The following FAM227B variants were observed in gnomAD, a reference collection of about 807,000 sequenced individuals.
FAM227B encodes protein FAM227B.
A neutral mutation model predicts 73.8 loss-of-function variants in FAM227B; 88 were observed. That is an observed-to-expected ratio of 1.19 (90% CI 1.00 to 1.42). The LOEUF (loss-of-function observed/expected upper bound fraction) is 1.42, where lower values mean the gene tolerates loss of function less well. Among genes scored for constraint, FAM227B ranks in the 40% most tolerant of loss-of-function variants. The pLI, the probability that FAM227B is intolerant of heterozygous loss-of-function variation, is 0.00. For missense variants in FAM227B, 632 were observed against 590.9 expected, an observed-to-expected ratio of 1.07 and a Z score of -0.72; for synonymous variants, 210 against 190.5, an observed-to-expected ratio of 1.10 and a Z score of -0.84.
At chr15:49,380,782 G>A (rs1017536237) in intron 11 of FAM227B, among the ~76,000 whole-genome samples, 2 of 151,552 alleles carry the variant, frequency 1.3e-5, no homozygotes, top group Non-Finnish European at 2.9e-5. Flanking sequence ...CCTCTGAATT[G>A]GATTTGATTT....
At chr15:49,377,713 C>A (rs187925000) in intron 11 of FAM227B, among the ~76,000 whole-genome samples, 2 of 152,090 alleles carry the variant, frequency 1.3e-5, no homozygotes, top group Admixed American at 1.3e-4. Flanking sequence ...TTATTCAATT[C>A]TTTTCCCATA....
At chr15:49,464,883 A>C (rs1185336679) in intron 11 of FAM227B, among the ~76,000 whole-genome samples, 1 of 152,202 alleles carries the variant, frequency 6.6e-6, no homozygotes, top group Non-Finnish European at 1.5e-5. Context: ...GAATGAATAA[A>C]TGAATAACGT....
Position 49,537,087 on chromosome 15 carries a change from G to A in FAM227B, c.874+4593C>T, listed in dbSNP as rs1372385229. 5.3e-5 allele frequency among the ~76,000 whole-genome samples: 8 copies of A among 152,012 alleles called. 1 individual carries two copies. Among genetic ancestry groups the A allele is most frequent in the Non-Finnish European group, 7.4e-5 (5 of 67,946 alleles). ...CAAATGGGATGACATCAAACTAAACGTCTTCTGCACGTCAAAGAAAATAAT... is the reference window on the plus strand; with the variant it reads ...CAAATGGGATGACATCAAACTAAACATCTTCTGCACGTCAAAGAAAATAAT... On this transcript the variant is annotated intron_variant, in intron 10 of 15. Coordinates refer to ENST00000299338, the MANE Select transcript of FAM227B (RefSeq NM_152647.3).
At chr15:49,480,326 T>G (rs2055816993) in intron 11 of FAM227B, among the ~76,000 whole-genome samples, 2 of 152,056 alleles carry the variant, frequency 1.3e-5, no homozygotes, top group South Asian at 4.1e-4. Flanking sequence ...TATCTATTAT[T>G]TTGAGACAGA....
rs536951557 is a variant in FAM227B at position 49,612,560 on chromosome 15, G to A, written c.52-1292C>T. On this transcript the variant is annotated intron_variant, in intron 2 of 15. Transcript: ENST00000299338. ...TGTGCATAAATTAAAGCATAAATGA[G>A]TAGATGAATGTCAGAAATATATAGG... Among the ~76,000 whole-genome samples the A allele has an allele frequency of 2.8e-4, 43 of 152,192 alleles. No homozygotes were observed. The South Asian group carries it at 8.9e-3, about 32-fold the overall frequency.
At chr15:49,386,589 AG>A in intron 11 of FAM227B, among the ~76,000 whole-genome samples, 1 of 152,080 alleles carries the variant, frequency 6.6e-6, no homozygotes, top group Non-Finnish European at 1.5e-5. Context: ...TCACACCTCA[AG>A]GAACTAGAGA....
intron 9 of FAM227B, among the ~76,000 whole-genome samples, chr15:49,565,313 C>T (rs1376116739): frequency 2.1e-5 from 3 of 143,744 alleles, no homozygotes; most frequent in Admixed American, 7.3e-5. Flanking sequence ...ACCCGGGAGG[C>T]GGAGGTTGCA....
intron 11 of FAM227B, among the ~76,000 whole-genome samples, chr15:49,426,005 A>C (rs1278963513): frequency 6.6e-6 from 1 of 151,512 alleles, no homozygotes; most frequent in Non-Finnish European, 1.5e-5. Flanking sequence ...GGATAATATC[A>C]TGGATATAAT....
chr15:49,496,971 AGAG>A (rs1044343225), intron 11 of FAM227B, among the ~76,000 whole-genome samples: 7 of 152,172 alleles, frequency 4.6e-5, no homozygotes, highest in African/African-American at 1.2e-4. Context: ...CTATAGAGAA[AGAG>A]GAGTTCTCAA....
intron 9 of FAM227B, among the ~76,000 whole-genome samples, chr15:49,560,650 G>A (rs2074175313): frequency 6.6e-6 from 1 of 152,094 alleles, no homozygotes; most frequent in Non-Finnish European, 1.5e-5. Context: ...TATGTATGAA[G>A]GGAATCTCAT....
Position 49,334,294 on chromosome 15 carries a change from T to A in FAM227B, c.1349+1125A>T, listed in dbSNP as rs557985140. ...TCTTCATTAATTCTGAGCTTTTCCC[T>A]ATAAAGTTAAAGTTTGAAGTTAAAT... On this transcript the variant is annotated intron_variant, in intron 14 of 15. Transcript: ENST00000299338. 7.6e-5 allele frequency: 73 copies of A among 960,304 alleles called. 1 individual carries two copies. The South Asian group carries it at 3.1e-3, about 41-fold the overall frequency. 59.5% of individuals were successfully genotyped at this position (960,304 alleles called of 1,614,324 possible).
intron 3 of FAM227B, among the ~76,000 whole-genome samples, chr15:49,609,925 A>G (rs549252214): frequency 5.3e-5 from 8 of 152,054 alleles, no homozygotes; most frequent in African/African-American, 1.9e-4. Flanking sequence ...ATAAAACTTG[A>G]AGGCTATAAA....
chr15:49,596,832 G>T (rs936862593), intron 3 of FAM227B, among the ~76,000 whole-genome samples: 10 of 151,856 alleles, frequency 6.6e-5, no homozygotes, highest in Non-Finnish European at 1.3e-4. Flanking sequence ...TCTTGTATCA[G>T]ACAAAATAAA....
At chr15:49,542,318 T>C (rs1176877603) in intron 9 of FAM227B, among the ~76,000 whole-genome samples, 1 of 152,118 alleles carries the variant, frequency 6.6e-6, no homozygotes, top group Non-Finnish European at 1.5e-5. Context: ...ATTGTTGTTG[T>C]TGTTTTAAAA....
At chr15:49,486,966 T>C (rs1201790937) in intron 11 of FAM227B, 5 of 151,968 alleles carry the variant, frequency 3.3e-5, no homozygotes, top group Admixed American at 2.6e-4. Flanking sequence ...TGGGTAGATA[T>C]ACAGCTGTCA....
At chr15:49,479,094 G>A (rs904892627) in intron 11 of FAM227B, among the ~76,000 whole-genome samples, 7 of 152,078 alleles carry the variant, frequency 4.6e-5, no homozygotes, top group African/African-American at 1.7e-4. Context: ...TAAAAAATAG[G>A]GAAGCTATTT....
intron 11 of FAM227B, among the ~76,000 whole-genome samples, chr15:49,461,414 T>G (rs543276024): frequency 1.3e-4 from 20 of 152,356 alleles, no homozygotes; most frequent in African/African-American, 4.8e-4. Flanking sequence ...TCCTTGGCCA[T>G]CATCCAAACT....
chr15:49,615,371 A>C, intron 1 of FAM227B, 128 bp from the exon 2 acceptor site: 1 of 582,744 alleles, frequency 1.7e-6, no homozygotes. Context: ...CTCCACTCAA[A>C]TCTCATGTTG....
intron 11 of FAM227B, among the ~76,000 whole-genome samples, chr15:49,479,420 A>G (rs2055676259): frequency 6.6e-6 from 1 of 152,150 alleles, no homozygotes; most frequent in Admixed American, 6.5e-5. Flanking sequence ...AAAGAAAGAC[A>G]GCCTCTTCTA....
Sources: gnomAD v4.1 joint callset for allele counts (sites outside exome capture counted in the v4.1 genomes callset) on GRCh38, gnomAD v4.1.1 for gene constraint, MANE v1.5 for transcripts, NCBI Gene and HGNC (gene_info 2026-07-23, HGNC 2026-07-21) for gene names.